Variants in ADGRV1 observed in about 807,000 individuals in gnomAD.
ADGRV1 encodes the protein adhesion G protein-coupled receptor V1, also known as G-protein coupled receptor 98.
In ADGRV1, 359 loss-of-function variants were observed where a neutral mutation model predicts 596.2. The observed-to-expected ratio is 0.60, with a 90% CI of 0.55 to 0.66. The LOEUF (loss-of-function observed/expected upper bound fraction) is 0.66. ADGRV1 is among the 30% of genes least tolerant of loss of function. ADGRV1 has a pLI of 0.00. For synonymous variants in ADGRV1, 2,681 were observed against 2,679.2 expected (o/e 1.00, Z -0.02); for missense variants, 7,274 against 7,575.6 (o/e 0.96, Z 1.48).
intron 31 of ADGRV1, among the ~76,000 whole-genome samples, chr5:90,691,850 T>A (rs886794219): frequency 1.3e-5 from 2 of 152,204 alleles, no homozygotes; most frequent in African/African-American, 4.8e-5. Context: ...GCGAGATGCA[T>A]CTTCTTGATA....
Position 90,823,496 on chromosome 5 carries a change from G to A in ADGRV1, c.16268G>A (p.Gly5423Glu), listed in dbSNP as rs762908939. The A allele has an allele frequency of 6.2e-7, 1 of 1,613,698 alleles. No individual in the cohort carries two copies. Among genetic ancestry groups the A allele is most frequent in the Non-Finnish European group, 8.5e-7 (1 of 1,179,768 alleles). The change falls in exon 76 of 90, where the codon GGG (glycine) becomes GAG (glutamate). Residue 5423 changes from glycine to glutamate, a missense_variant. This residue lies in a region of ADGRV1 where 1,874 missense variants were observed against 1,970.2 expected (regional missense o/e 0.95). Coordinates refer to ENST00000405460, the MANE Select transcript of ADGRV1 (RefSeq NM_032119.4). ...ACAGTCGTCGTGCTCCAGAAGGATGGGGTAAACCTGGTGGAGGAACTTCAG... is the reference window on the plus strand; with the variant it reads ...ACAGTCGTCGTGCTCCAGAAGGATGAGGTAAACCTGGTGGAGGAACTTCAG... The part of the protein sequence containing the change: ...NKTVVVLQKD[G>E]VNLVEELQSV...
chr5:90,822,450 G>A (rs1027024604), intron 75 of ADGRV1, among the ~76,000 whole-genome samples: 9 of 152,028 alleles, frequency 5.9e-5, no homozygotes, highest in East Asian at 5.8e-4. Flanking sequence ...TTCATGTGGC[G>A]TTATTTCTGA....
At chr5:90,890,065 C>A (rs1354548171) in intron 83 of ADGRV1, among the ~76,000 whole-genome samples, 1 of 151,992 alleles carries the variant, frequency 6.6e-6, no homozygotes, top group African/African-American at 2.4e-5. Flanking sequence ...ATCCTTAACC[C>A]CAAGGAGGGA....
intron 60 of ADGRV1, 43 bp downstream of exon 60, chr5:90,774,346 C>A: frequency 8.9e-7 from 1 of 1,118,950 alleles, no homozygotes; most frequent in Non-Finnish European, 1.3e-6. Context: ...AGTAAATTCT[C>A]AGAAAAAATG....
intron 59 of ADGRV1, among the ~76,000 whole-genome samples, chr5:90,773,536 A>G (rs533182404): frequency 3.3e-5 from 5 of 152,348 alleles, no homozygotes; most frequent in African/African-American, 1.2e-4. Context: ...TAGATTCAGC[A>G]AGAAACAAGT....
At chr5:90,650,495 T>C (rs1421635992) in intron 17 of ADGRV1, among the ~76,000 whole-genome samples, 1 of 152,232 alleles carries the variant, frequency 6.6e-6, no homozygotes, top group Non-Finnish European at 1.5e-5. Context: ...AGTTGTATAT[T>C]TGTATAATTT....
chr5:91,091,145 A>G (rs1790348888), intron 86 of ADGRV1, among the ~76,000 whole-genome samples: 2 of 152,152 alleles, frequency 1.3e-5, no homozygotes, highest in Admixed American at 1.3e-4. Flanking sequence ...TGCTTGCAGC[A>G]CACTTTTTCT....
Position 90,726,653 on chromosome 5 carries a change from A to ATGTGTGTGTG in ADGRV1, c.10161+1018_10161+1027dup, listed in dbSNP as rs55927110. Among the ~76,000 whole-genome samples, 7 of 147,692 alleles carry ATGTGTGTGTG rather than the reference A, an allele frequency of 4.7e-5. No individual in the cohort carries two copies. The South Asian group carries it at 1.3e-3, about 27-fold the overall frequency. ...TCCTTTTCCCTTTCTCTCTCTGGGTATGTGTGTGTGTGTGTGTGTGTGTGT... is the reference window on the plus strand; with the variant it reads ...TCCTTTTCCCTTTCTCTCTCTGGGTATGTGTGTGTGTGTGTGTGTGTGTGTGTGTGTGTGT... On this transcript the variant is annotated intron_variant, in intron 48 of 89. Transcript: ENST00000405460.
intron 21 of ADGRV1, among the ~76,000 whole-genome samples, chr5:90,666,137 G>C (rs1335719254): frequency 2.7e-5 from 4 of 150,546 alleles, no homozygotes; most frequent in Non-Finnish European, 5.9e-5. Flanking sequence ...GGTCCGCTTG[G>C]TGCAGAGCTG....
At chr5:90,756,906 C>A in intron 56 of ADGRV1, 73 bp from the exon 57 acceptor site, 1 of 1,230,440 alleles carries the variant, frequency 8.1e-7, no homozygotes, top group Non-Finnish European at 1.1e-6. Flanking sequence ...TAAGTAGAAA[C>A]AATAACTTTA....
intron 85 of ADGRV1, among the ~76,000 whole-genome samples, chr5:90,989,484 G>C (rs933015998): frequency 4.3e-4 from 65 of 152,040 alleles, no homozygotes; most frequent in African/African-American, 1.5e-3. Context: ...TCCTAATCCA[G>C]TTTCTCATTT....
chr5:90,982,978 T>C (rs1176796407), intron 84 of ADGRV1, among the ~76,000 whole-genome samples: 1 of 152,226 alleles, frequency 6.6e-6, no homozygotes, highest in Non-Finnish European at 1.5e-5. Context: ...AATCTTACGT[T>C]TGGCCTATGT....
intron 69 of ADGRV1, among the ~76,000 whole-genome samples, chr5:90,790,469 C>T (rs1044513332): frequency 6.6e-6 from 1 of 152,120 alleles, no homozygotes; most frequent in Admixed American, 6.5e-5. Context: ...TTTTTTATAT[C>T]TCATAGATAG....
intron 87 of ADGRV1, among the ~76,000 whole-genome samples, chr5:91,130,773 C>T (rs1415411526): frequency 6.6e-6 from 1 of 152,072 alleles, no homozygotes. Context: ...TCAACTTTAC[C>T]CCTTCATCCT....
chr5:90,842,714 T>C (rs1046603718), intron 78 of ADGRV1, among the ~76,000 whole-genome samples: 1 of 151,706 alleles, frequency 6.6e-6, no homozygotes, highest in Non-Finnish European at 1.5e-5. Flanking sequence ...CAAGACTCCA[T>C]CTCAAAAAAA....
intron 1 of ADGRV1, among the ~76,000 whole-genome samples, chr5:90,565,348 T>G (rs1755506813): frequency 6.6e-6 from 1 of 152,228 alleles, no homozygotes; most frequent in Non-Finnish European, 1.5e-5. Flanking sequence ...CTTTCTCCAC[T>G]GCCTTCCAAT....
chr5:91,150,331 C>A, intron 88 of ADGRV1, 110 bp downstream of exon 88: 2 of 817,032 alleles, frequency 2.4e-6, no homozygotes, highest in Non-Finnish European at 1.8e-6. Flanking sequence ...CTCTCCACCT[C>A]ATAAAGAGTA....
rs116639453 is a variant in ADGRV1 at position 90,706,581 on chromosome 5, C to T, written c.8730+187C>T. On this transcript the variant is annotated intron_variant, in intron 38 of 89. Coordinates refer to ENST00000405460, the MANE Select transcript of ADGRV1 (RefSeq NM_032119.4). ...TATTTTTCCTTATTATTGTATTAAA[C>T]CTGAAGTAACTACATAGAAGGTAGA... Among the ~76,000 whole-genome samples the T allele has an allele frequency of 5.2e-3, 792 of 151,730 alleles. 9 individuals carry two copies. Among genetic ancestry groups the T allele is most frequent in the African/African-American group, 0.018 (751 of 41,336 alleles).
intron 85 of ADGRV1, among the ~76,000 whole-genome samples, chr5:91,050,027 T>A (rs1055462629): frequency 1.6e-4 from 24 of 152,354 alleles, no homozygotes; most frequent in African/African-American, 5.3e-4. Context: ...GAATTCCAGA[T>A]GTCCTCCTCC....
Sources: allele counts gnomAD v4.1 joint callset (sites outside exome capture counted in the v4.1 genomes callset), GRCh38; gene constraint gnomAD v4.1.1; regional missense constraint gnomAD v4.1.1; transcripts MANE v1.5; gene names NCBI Gene and HGNC (gene_info 2026-07-23, HGNC 2026-07-21).